Variants in ERAP2 observed in about 807,000 individuals in gnomAD.
The protein encoded by ERAP2 is endoplasmic reticulum aminopeptidase 2, also known as leukocyte-derived arginine aminopeptidase.
In ERAP2, 118 loss-of-function variants were observed where a neutral mutation model predicts 111.1. That is an observed-to-expected ratio of 1.06 (90% CI 0.92 to 1.24). ERAP2 has a LOEUF of 1.24. Ranked by LOEUF, ERAP2 falls within the 50% of genes most tolerant of loss-of-function variation. The pLI, the probability that ERAP2 is intolerant of heterozygous loss-of-function variation, is 0.00. For synonymous variants in ERAP2, 410 were observed against 401.2 expected (o/e 1.02, Z -0.26); for missense variants, 1,131 against 1,125.8 (o/e 1.00, Z -0.07).
chr5:96,903,419 A>G lies in ERAP2; in HGVS notation c.1871A>G (p.Asn624Ser), dbSNP rs1785695836. ...GAAAAGACCAGTTGGGTGAAATTTA[A>G]TGTGGACTCAAATGGTTACTACATC... The part of the protein sequence containing the change: ...LPEKTSWVKF[N>S]VDSNGYYIVH... Residue 624 changes from asparagine to serine, a missense_variant, in exon 13 of 19, where the codon AAT becomes AGT. Transcript: ENST00000437043. 6.2e-7 allele frequency: 1 copy of G among 1,613,678 alleles called. No homozygotes were observed. The highest frequency in any genetic ancestry group is 8.5e-7 in the Non-Finnish European group (1 of 1,179,860).
chr5:96,889,156 A>T (rs369745432), intron 4 of ERAP2, 29 bp from the exon 5 acceptor site: 12 of 1,611,754 alleles, frequency 7.4e-6, no homozygotes, highest in Non-Finnish European at 1.0e-5. Flanking sequence ...GCTGTCATTC[A>T]AAAACCTCTT....
intron 16 of ERAP2, 135 bp from the exon 17 acceptor site, chr5:96,913,182 A>G (rs1363975): frequency 0.52 from 340,466 of 652,656 alleles, 89,920 homozygotes; most frequent in Middle Eastern, 0.61. Flanking sequence ...AGTTTAATTG[A>G]AACATTAAAA....
At chr5:96,896,123 GC>G (rs1784835882) in intron 7 of ERAP2, among the ~76,000 whole-genome samples, 1 of 152,046 alleles carries the variant, frequency 6.6e-6, no homozygotes, top group African/African-American at 2.4e-5. Context: ...GTATTCAAGG[GC>G]TGGTACATGA....
At chr5:96,879,338 C>T (rs1040632977) in intron 1 of ERAP2, among the ~76,000 whole-genome samples, 9 of 152,184 alleles carry the variant, frequency 5.9e-5, no homozygotes, top group African/African-American at 2.2e-4. Context: ...AGAAGAAATT[C>T]ATTACATTCA....
intron 15 of ERAP2, 45 bp downstream of exon 15, chr5:96,909,809 T>G (rs759229161): frequency 7.6e-6 from 12 of 1,584,624 alleles, no homozygotes; most frequent in Non-Finnish European, 9.5e-6. Context: ...TTCTCTTTGA[T>G]GTAAAAGTCT....
chr5:96,898,974 G>A lies in ERAP2; in HGVS notation c.1504-1147G>A, dbSNP rs145837498. On this transcript the variant is annotated intron_variant, in intron 9 of 18. Coordinates refer to ENST00000437043, the MANE Select transcript of ERAP2 (RefSeq NM_022350.5). ...CATCAGTTTAGCTCCCCTCCAACAC[G>A]GAAGAATCTATCATTTGGTGTGCAT... Among the ~76,000 whole-genome samples the A allele has an allele frequency of 6.4e-4, 97 of 152,220 alleles. 1 individual carries two copies. The highest frequency in any genetic ancestry group is 1.9e-4 in the Non-Finnish European group (13 of 67,996).
At chr5:96,900,400 C>T (rs1034177900) in intron 10 of ERAP2, among the ~76,000 whole-genome samples, 13 of 152,124 alleles carry the variant, frequency 8.5e-5, no homozygotes, top group South Asian at 4.1e-4. Context: ...TGTTATAGTT[C>T]GGCTTTCCCA....
chr5:96,912,864 A>T, intron 16 of ERAP2, 66 bp downstream of exon 16: 44 of 1,340,208 alleles, frequency 3.3e-5, no homozygotes, highest in Non-Finnish European at 3.1e-5. Context: ...AGTCACTAAA[A>T]CTTCAGCCAC....
rs765124531 is a variant in ERAP2 at position 96,901,562 on chromosome 5, C to T, written c.1629C>T (p.Leu543=). The change falls in exon 11 of 19, where the codon CTC becomes CTT. Residue 543 remains leucine, a synonymous_variant. Coordinates refer to ENST00000437043, the MANE Select transcript of ERAP2 (RefSeq NM_022350.5). ...AAGAGATGATGACTACATGGACTCT[C>T]CAGAAAGGAATCCCCCTGCTGGTGG... ...EVKEMMTTWT[L]QKGIPLLVVK... 1 of 1,614,086 alleles carries T rather than the reference C, an allele frequency of 6.2e-7. No homozygotes were observed. Among genetic ancestry groups the T allele is most frequent in the East Asian group, 2.2e-5 (1 of 44,888 alleles).
chr5:96,901,779 C>A, intron 11 of ERAP2, 98 bp downstream of exon 11: 1 of 1,222,102 alleles, frequency 8.2e-7, no homozygotes, highest in Non-Finnish European at 1.1e-6. Context: ...TTGTAGGATG[C>A]TAGTTCCATA....
In ERAP2 at chr5:96,879,946, C is replaced by A; in HGVS notation, c.261C>A (p.Thr87=). The change falls in exon 2 of 19, where the codon ACC becomes ACA. Residue 87 remains threonine (T), a synonymous_variant. Coordinates refer to ENST00000437043, the MANE Select transcript of ERAP2 (RefSeq NM_022350.5). ...HYDLFVHPNL[T]SLDFVASEKI... ...ACCTCTTTGTCCACCCCAATCTCAC[C>A]TCTCTGGACTTTGTTGCATCTGAGA... 1.2e-6 allele frequency: 2 copies of A among 1,614,180 alleles called. No homozygotes were observed. The highest frequency in any genetic ancestry group is 1.7e-6 in the Non-Finnish European group (2 of 1,180,030).
intron 10 of ERAP2, among the ~76,000 whole-genome samples, chr5:96,900,710 T>G (rs956493029): frequency 1.3e-5 from 2 of 152,174 alleles, no homozygotes; most frequent in East Asian, 3.8e-4. Context: ...AAAGTCTCAC[T>G]CTGTTGCCCA....
At chr5:96,893,107 T>C (rs1386230360) in intron 6 of ERAP2, among the ~76,000 whole-genome samples, 4 of 152,288 alleles carry the variant, frequency 2.6e-5, no homozygotes, top group South Asian at 2.1e-4. Context: ...CAAGAAATAC[T>C]ACTATTTCTT....
intron 5 of ERAP2, among the ~76,000 whole-genome samples, chr5:96,891,536 A>AT: frequency 5.0e-5 from 1 of 20,120 alleles, no homozygotes; most frequent in Non-Finnish European, 9.1e-5. Flanking sequence ...CGGTATATAT[A>AT]CACACACACA....
chr5:96,883,345 A>G (rs964331041), intron 2 of ERAP2, among the ~76,000 whole-genome samples: 1 of 152,186 alleles, frequency 6.6e-6, no homozygotes, highest in African/African-American at 2.4e-5. Flanking sequence ...CTTCCTGGAA[A>G]TACAACTTAG....
intron 12 of ERAP2, 71 bp downstream of exon 12, chr5:96,902,424 C>T (rs374177953): frequency 1.7e-5 from 15 of 903,398 alleles, no homozygotes; most frequent in South Asian, 5.8e-5. Context: ...TTTGAAGGAA[C>T]GATACAATAA....
chr5:96,881,617 A>T (rs1175284356), intron 2 of ERAP2: 2 of 409,714 alleles, frequency 4.9e-6, no homozygotes, highest in Admixed American at 5.3e-5. Context: ...GAAGTAGGGC[A>T]GCTCAGATTG....
At chr5:96,913,695 A>C (rs1452934591) in intron 17 of ERAP2, among the ~76,000 whole-genome samples, 2 of 152,242 alleles carry the variant, frequency 1.3e-5, no homozygotes, top group African/African-American at 4.8e-5. Flanking sequence ...GCAAGAAACC[A>C]CTGGCATCAA....
In ERAP2 at chr5:96,896,464, C is replaced by T. The variant is rs756447810; in HGVS notation, c.1331C>T (p.Thr444Ile). ...RPISKPAETPTQIQEMFDEVS... is the reference protein window; with the variant it reads ...RPISKPAETPIQIQEMFDEVS... ...ATCTCCAAACCAGCGGAAACCCCGA[C>T]TCAAATACAGGAAATGTTTGATGAA... The change falls in exon 8 of 19, where the codon ACT (threonine) becomes ATT (isoleucine). Residue 444 changes from threonine (T) to isoleucine (I), a missense_variant. Coordinates refer to ENST00000437043, the MANE Select transcript of ERAP2 (RefSeq NM_022350.5). 2 of 1,613,560 alleles carry T rather than the reference C, an allele frequency of 1.2e-6. No homozygotes were observed. Among genetic ancestry groups the T allele is most frequent in the South Asian group, 2.2e-5 (2 of 91,044 alleles).
Sources: allele counts gnomAD v4.1 joint callset (sites outside exome capture counted in the v4.1 genomes callset), GRCh38; gene constraint gnomAD v4.1.1; transcripts MANE v1.5; gene names NCBI Gene and HGNC (gene_info 2026-07-23, HGNC 2026-07-21).